The following SCAND3 variants were observed in gnomAD, a reference collection of about 807,000 sequenced individuals.
SCAND3 encodes SCAN domain-containing protein 3.
At chr6:28,586,699 C>T in the SCAND3 span, 4 of 1,613,294 alleles carry the variant, frequency 2.5e-6, no homozygotes, top group African/African-American at 5.3e-5. The surrounding 1 kb of genome is among the most constrained non-coding windows in gnomAD (Gnocchi z 4.4). Context: ...GCTGGGAAGA[C>T]CCTAGAGACT....
At chr6:28,574,657 TTGTC>T in the SCAND3 span, 6 of 1,613,164 alleles carry the variant, frequency 3.7e-6, no homozygotes, top group Admixed American at 3.3e-5. Flanking sequence ...GTCTCCTACT[TTGTC>T]TGGTGAAAAT....
the SCAND3 span, among the ~76,000 whole-genome samples, chr6:28,583,933 T>C: frequency 1.3e-5 from 2 of 152,136 alleles, no homozygotes; most frequent in African/African-American, 2.4e-5. Flanking sequence ...CCAACCCCCT[T>C]TGCAAGAGCG....
At chr6:28,572,272 A>G in the SCAND3 span, 1 of 1,611,200 alleles carries the variant, frequency 6.2e-7, no homozygotes, top group Non-Finnish European at 8.5e-7. This position sits in a 1 kb window ranked among gnomAD's most constrained non-coding sequence, Gnocchi z 4.1. Context: ...TGGATTTTGG[A>G]TCCACAAATT....
At chr6:28,576,116 T>G in the SCAND3 span, 1 of 1,574,326 alleles carries the variant, frequency 6.4e-7, no homozygotes, top group African/African-American at 1.4e-5. Context: ...TGAGACATCA[T>G]GGAAAACCAC....
chr6:28,598,876 CAAA>C, the SCAND3 span, among the ~76,000 whole-genome samples: 1 of 74,314 alleles, frequency 1.3e-5, no homozygotes, highest in Non-Finnish European at 2.7e-5. Flanking sequence ...GACTATGTCT[CAAA>C]AAAAAAAAAA....
At chr6:28,573,945 G>A in the SCAND3 span, 5,516 of 1,249,076 alleles carry the variant, frequency 4.4e-3, 119 homozygotes, top group African/African-American at 0.055. Flanking sequence ...TTAAAGTTAA[G>A]TTATAAAAAT....
chr6:28,572,871 A>G, the SCAND3 span: 3 of 1,613,896 alleles, frequency 1.9e-6, no homozygotes, highest in Non-Finnish European at 2.5e-6. The surrounding 1 kb of genome is among the most constrained non-coding windows in gnomAD (Gnocchi z 4.1). Context: ...TTTTCATGGC[A>G]AGACTTTCTC....
At chr6:28,609,180 G>A in the SCAND3 span, among the ~76,000 whole-genome samples, 1 of 152,130 alleles carries the variant, frequency 6.6e-6, no homozygotes, top group Non-Finnish European at 1.5e-5. Context: ...ACATGAAAAA[G>A]TAATTAAAGG....
chr6:28,587,622 C>T, the SCAND3 span: 1 of 152,150 alleles, frequency 6.6e-6, no homozygotes, highest in Non-Finnish European at 1.5e-5. Flanking sequence ...GAGGAGCATC[C>T]CTAAGGACTA....
chr6:28,582,825 G>A, the SCAND3 span, among the ~76,000 whole-genome samples: 1 of 152,028 alleles, frequency 6.6e-6, no homozygotes, highest in African/African-American at 2.4e-5. The surrounding 1 kb of genome is among the most constrained non-coding windows in gnomAD (Gnocchi z 4.8). Context: ...AGGAGGCTGA[G>A]GCAGGAGAAT....
chr6:28,603,287 A>C, the SCAND3 span, among the ~76,000 whole-genome samples: 3 of 152,144 alleles, frequency 2.0e-5, no homozygotes, highest in African/African-American at 7.2e-5. Context: ...AATTTTAAAC[A>C]CTTTCTCATT....
chr6:28,586,387 A>C, the SCAND3 span: 1 of 1,614,148 alleles, frequency 6.2e-7, no homozygotes, highest in East Asian at 2.2e-5. This position sits in a 1 kb window ranked among gnomAD's most constrained non-coding sequence, Gnocchi z 4.4. Context: ...TCCCGCACCC[A>C]AGACTGGAGC....
the SCAND3 span, among the ~76,000 whole-genome samples, chr6:28,596,333 T>C: frequency 6.6e-6 from 1 of 152,098 alleles, no homozygotes; most frequent in Middle Eastern, 3.2e-3. Flanking sequence ...CTCCAGGATA[T>C]ATTGGTTAGG....
chr6:28,609,245 A>G, the SCAND3 span, among the ~76,000 whole-genome samples: 9 of 152,224 alleles, frequency 5.9e-5, no homozygotes, highest in African/African-American at 2.2e-4. Flanking sequence ...GTAGGATTAT[A>G]TATCTGGAAG....
At chr6:28,608,849 C>A in the SCAND3 span, among the ~76,000 whole-genome samples, 49 of 151,668 alleles carry the variant, frequency 3.2e-4, no homozygotes, top group South Asian at 6.7e-3. Context: ...ATTAGCAGGG[C>A]ATGGTGGTGC....
the SCAND3 span, among the ~76,000 whole-genome samples, chr6:28,606,298 AAG>A: frequency 6.6e-6 from 1 of 152,052 alleles, no homozygotes; most frequent in Non-Finnish European, 1.5e-5. Context: ...TTGTTTGAGA[AAG>A]AGAGAGGGAG....
At chr6:28,585,780 T>A in the SCAND3 span, among the ~76,000 whole-genome samples, 25 of 152,178 alleles carry the variant, frequency 1.6e-4, no homozygotes, top group African/African-American at 6.0e-4. Context: ...ACAACTCCAC[T>A]GTAATGGCAA....
the SCAND3 span, among the ~76,000 whole-genome samples, chr6:28,615,126 T>C: frequency 9.2e-5 from 14 of 152,316 alleles, no homozygotes; most frequent in East Asian, 3.9e-4. Flanking sequence ...ACTGGTGGCA[T>C]AGAGCTCTCT....
the SCAND3 span, chr6:28,572,593 G>A: frequency 6.2e-7 from 1 of 1,614,054 alleles, no homozygotes; most frequent in Non-Finnish European, 8.5e-7. This position sits in a 1 kb window ranked among gnomAD's most constrained non-coding sequence, Gnocchi z 4.1. Context: ...AAGTCTGGCT[G>A]TCCAATTCAC....
Sources: gnomAD v4.1 joint callset for allele counts (sites outside exome capture counted in the v4.1 genomes callset) on GRCh38, gnomAD v4.1.1 for gene constraint, Gnocchi (gnomAD v3.1) non-coding constraint, MANE v1.5 for transcripts, NCBI Gene and HGNC (gene_info 2026-07-23, HGNC 2026-07-21) for gene names.